Variants in NUBP2 observed in about 807,000 individuals in gnomAD.
NUBP2 encodes the protein cytosolic Fe-S cluster assembly factor NUBP2.
A neutral mutation model predicts 24.9 loss-of-function variants in NUBP2; 23 were observed. The observed-to-expected ratio is 0.92, with a 90% CI of 0.66 to 1.31. NUBP2 has a LOEUF of 1.31. Ranked by LOEUF, NUBP2 falls within the 50% of genes most tolerant of loss-of-function variation. The pLI is 0.00. For missense variants in NUBP2, 403 were observed against 386.5 expected, an observed-to-expected ratio of 1.04 and a Z score of -0.36; for synonymous variants, 186 against 170.9, an observed-to-expected ratio of 1.09 and a Z score of -0.69.
chr16:1,784,741 A>G (rs1896883154), intron 1 of NUBP2: 1 of 151,416 alleles, frequency 6.6e-6, no homozygotes, highest in African/African-American at 2.4e-5. Context: ...TATGCACATA[A>G]AAATTCAAAA....
intron 1 of NUBP2, 35 bp downstream of exon 1, chr16:1,783,071 G>A: frequency 8.0e-7 from 1 of 1,247,928 alleles, no homozygotes; most frequent in Non-Finnish European, 1.0e-6. Flanking sequence ...GCCGCTCCAG[G>A]GCCTCGCTTG....
At position 1,786,669 on chromosome 16, in the gene NUBP2, C is replaced by T. The variant is rs554533804; in HGVS notation, c.135+14C>T. 28 of 1,612,280 alleles carry T rather than the reference C, an allele frequency of 1.7e-5. No individual in the cohort carries two copies. The highest frequency in any genetic ancestry group is 2.3e-5 in the Non-Finnish European group (27 of 1,179,656). The stretch of plus-strand genomic sequence containing the variant: ...GCAGGCAAGAAGGTGAGCGCCCTAC[C>T]CCTCACTGGGCGGAGCCCCGGGCAG... On this transcript the variant is annotated intron_variant, in intron 2 of 6. Transcript: ENST00000262302.
intron 1 of NUBP2, chr16:1,786,242 G>A (rs138620792): frequency 2.3e-4 from 106 of 453,234 alleles, no homozygotes; most frequent in African/African-American, 1.9e-3. Context: ...ACGAAGGAAC[G>A]CATGCACCCT....
At chr16:1,787,198 G>A in intron 3 of NUBP2, 1 of 465,942 alleles carries the variant, frequency 2.1e-6, no homozygotes, top group Non-Finnish European at 3.8e-6. Flanking sequence ...GCCATGGCAT[G>A]CAGGGACCTG....
intron 1 of NUBP2, chr16:1,785,116 C>T: frequency 1.0e-6 from 1 of 987,038 alleles, no homozygotes; most frequent in Non-Finnish European, 1.2e-6. Context: ...TCTGGATTTG[C>T]TAACCCATAA....
intron 1 of NUBP2, 79 bp from the exon 2 acceptor site, chr16:1,786,458 A>G: frequency 8.1e-7 from 1 of 1,241,400 alleles, no homozygotes; most frequent in Non-Finnish European, 1.1e-6. Flanking sequence ...CGTGGGTGCA[A>G]GAGGCAGTGG....
rs922563425 is a variant in NUBP2, at chr16:1,788,070, A to G, written c.600+19A>G. The G allele has an allele frequency of 5.7e-6, 9 of 1,571,170 alleles. No homozygotes were observed. Among genetic ancestry groups the G allele is most frequent in the Non-Finnish European group, 7.7e-6 (9 of 1,161,388 alleles). Reference sequence around the variant, plus strand: ...CTGCACGGTGAGTCCCGGGGGTTGCAGAGGGGGCGAGGCAGCACCTGGCCG... The same window carrying G: ...CTGCACGGTGAGTCCCGGGGGTTGCGGAGGGGGCGAGGCAGCACCTGGCCG... On this transcript the variant is annotated intron_variant, in intron 5 of 6. Transcript: ENST00000262302.
chr16:1,786,530 C>T lies in NUBP2; in HGVS notation c.17-7C>T, dbSNP rs371587370. The T allele has an allele frequency of 3.3e-5, 52 of 1,586,360 alleles. No individual in the cohort carries two copies. Among genetic ancestry groups the T allele is most frequent in the African/African-American group, 1.7e-4 (13 of 74,414 alleles). On this transcript the variant is annotated splice_region_variant and splice_polypyrimidine_tract_variant and intron_variant, in intron 1 of 6. Coordinates refer to ENST00000262302, the MANE Select transcript of NUBP2 (RefSeq NM_012225.4). ...GCCCTGACCTTCTCTGTCGTGTTTCCGCCCAGAGCCTGGAAACCTGGCCGG... is the reference window on the plus strand; with the variant it reads ...GCCCTGACCTTCTCTGTCGTGTTTCTGCCCAGAGCCTGGAAACCTGGCCGG...
intron 1 of NUBP2, chr16:1,786,276 C>G: frequency 1.9e-6 from 1 of 520,950 alleles, no homozygotes; most frequent in Non-Finnish European, 3.4e-6. Context: ...AGGAGTTGGG[C>G]AGTTTCCACT....
chr16:1,785,270 G>A (rs1309857515), intron 1 of NUBP2: 52 of 1,042,474 alleles, frequency 5.0e-5, no homozygotes, highest in Non-Finnish European at 6.0e-5. Flanking sequence ...CTGCTTAGGA[G>A]CTGCCTCAGT....
intron 2 of NUBP2, 30 bp downstream of exon 2, chr16:1,786,685 C>T (rs745618697): frequency 5.0e-6 from 8 of 1,611,888 alleles, no homozygotes; most frequent in South Asian, 2.2e-5. Context: ...CTGGGCGGAG[C>T]CCCGGGCAGC....
At chr16:1,788,511 C>G in intron 6 of NUBP2, 58 bp from the exon 7 acceptor site, 4 of 1,527,954 alleles carry the variant, frequency 2.6e-6, no homozygotes, top group Non-Finnish European at 3.5e-6. Flanking sequence ...TCCAGCTGAG[C>G]CAATGGTGGG....
chr16:1,783,001 G>C lies in NUBP2; in HGVS notation c.-20G>C. 7.1e-7 allele frequency: 1 copy of C among 1,398,820 alleles called. No homozygotes were observed. The highest frequency in any genetic ancestry group is 9.3e-7 in the Non-Finnish European group (1 of 1,072,612). The allele number at this position is 1,398,820 out of a possible 1,614,324, so 86.7% of individuals were successfully genotyped here. ...GCGGGCGTAAGCGGACTGCAGCCGC[G>C]AGCTCCTGGAGGCGGCGGGATGGAG... is the stretch of plus-strand genomic sequence containing the variant. On this transcript the variant is annotated 5_prime_UTR_variant, in exon 1 of 7. Coordinates refer to ENST00000262302, the MANE Select transcript of NUBP2 (RefSeq NM_012225.4).
At chr16:1,784,003 G>A (rs1397825810) in intron 1 of NUBP2, 1 of 985,102 alleles carries the variant, frequency 1.0e-6, no homozygotes, top group East Asian at 1.1e-4. Flanking sequence ...CAGTGCTGGA[G>A]TCTTATTCCA....
rs114780568 is a variant in NUBP2 at position 1,785,913 on chromosome 16, A to C, written c.17-624A>C. The C allele has an allele frequency of 6.9e-4, 888 of 1,283,718 alleles. 5 individuals are homozygous for C. In the African/African-American group the frequency reaches 0.013, roughly 19 times the overall value. The allele number at this position is 1,283,718 out of a possible 1,614,324, so 79.5% of individuals were successfully genotyped here. A position where few individuals can be genotyped will look rare whatever the true frequency, so the allele number is the denominator to read the frequency against. On this transcript the variant is annotated intron_variant, in intron 1 of 6. Coordinates refer to ENST00000262302, the MANE Select transcript of NUBP2 (RefSeq NM_012225.4). ...AGCGGTGGCGCCGGGGTGAGAATGC[A>C]GGGGTTTTGCCAAGGTATCTGCACA...
At chr16:1,785,821 C>G in intron 1 of NUBP2, 1 of 1,289,136 alleles carries the variant, frequency 7.8e-7, no homozygotes, top group Non-Finnish European at 1.0e-6. Context: ...TGTTGAGCCC[C>G]TCACATGCAC....
chr16:1,783,019 G>A lies in NUBP2; in HGVS notation c.-2G>A, dbSNP rs1022457360. 34 of 1,380,498 alleles carry A rather than the reference G, an allele frequency of 2.5e-5. No individual in the cohort carries two copies. Among genetic ancestry groups the A allele is most frequent in the Admixed American group, 1.3e-4 (4 of 31,194 alleles). 85.5% of individuals were successfully genotyped at this position (1,380,498 alleles called of 1,614,324 possible). ...CAGCCGCGAGCTCCTGGAGGCGGCG[G>A]GATGGAGGCGGCGGCCGGTGAGTGG... On this transcript the variant is annotated 5_prime_UTR_variant, in exon 1 of 7. Coordinates refer to ENST00000262302, the MANE Select transcript of NUBP2 (RefSeq NM_012225.4).
chr16:1,788,822 A>G lies in NUBP2; in HGVS notation c.*108A>G, dbSNP rs893410019. The G allele has an allele frequency of 1.1e-5, 15 of 1,356,218 alleles. No individual in the cohort carries two copies. The highest frequency in any genetic ancestry group is 1.0e-4 in the East Asian group (4 of 39,174). The allele number at this position is 1,356,218 out of a possible 1,614,324, so 84.0% of individuals were successfully genotyped here. A position where few individuals can be genotyped will look rare whatever the true frequency, so the allele number is the denominator to read the frequency against. ...TCCCGGGCCCTGCAGGGGCAGGCCCAGGCAGCGTCAGCCGGAGAGCTTCTC... is the reference window on the plus strand; with the variant it reads ...TCCCGGGCCCTGCAGGGGCAGGCCCGGGCAGCGTCAGCCGGAGAGCTTCTC... On this transcript the variant is annotated 3_prime_UTR_variant, in exon 7 of 7. Transcript: ENST00000262302.
intron 1 of NUBP2, chr16:1,785,201 C>T: frequency 1.0e-6 from 1 of 1,003,484 alleles, no homozygotes; most frequent in African/African-American, 1.7e-5. Flanking sequence ...CTCCTTCCTG[C>T]ACTTCCAGCC....
Sources: gnomAD v4.1 joint callset for allele counts on GRCh38, gnomAD v4.1.1 for gene constraint, MANE v1.5 for transcripts, NCBI Gene and HGNC (gene_info 2026-07-23, HGNC 2026-07-21) for gene names.